Variants in CADM1 observed in about 807,000 individuals in gnomAD.
CADM1 encodes cell adhesion molecule 1, also known as TSLC-1.
Under a neutral mutation model 53.1 loss-of-function variants are expected in CADM1, and 15 were observed. That is an observed-to-expected ratio of 0.28 (90% CI 0.19 to 0.44). CADM1 has a LOEUF of 0.44. CADM1 is among the 20% of genes least tolerant of loss of function. The pLI is 1.00. For missense variants in CADM1, 434 were observed against 611.3 expected, an observed-to-expected ratio of 0.71 and a Z score of 3.06; for synonymous variants, 281 against 243.0, an observed-to-expected ratio of 1.16 and a Z score of -1.45.
intron 1 of CADM1, among the ~76,000 whole-genome samples, chr11:115,495,517 G>A (rs894601583): frequency 2.6e-5 from 4 of 152,156 alleles, no homozygotes; most frequent in South Asian, 4.1e-4. Context: ...AGATCCTTAC[G>A]ATAACAAATT....
intron 1 of CADM1, among the ~76,000 whole-genome samples, chr11:115,499,832 A>T (rs1465400720): frequency 6.6e-6 from 1 of 152,260 alleles, no homozygotes; most frequent in Non-Finnish European, 1.5e-5. Context: ...AATATTTTTA[A>T]AAACAGCTTT....
At chr11:115,289,883 C>A (rs556495402) in intron 1 of CADM1, among the ~76,000 whole-genome samples, 1 of 152,240 alleles carries the variant, frequency 6.6e-6, no homozygotes, top group Non-Finnish European at 1.5e-5. Context: ...GCGTGAACCA[C>A]CGCGCCCGGC....
intron 1 of CADM1, among the ~76,000 whole-genome samples, chr11:115,281,273 G>T (rs1195435589): frequency 6.6e-6 from 1 of 152,180 alleles, no homozygotes; most frequent in African/African-American, 2.4e-5. Flanking sequence ...AGGCTCTTTT[G>T]TAGCACAGGG....
intron 1 of CADM1, among the ~76,000 whole-genome samples, chr11:115,370,938 T>G (rs1377747578): frequency 6.6e-6 from 1 of 152,122 alleles, no homozygotes; most frequent in Admixed American, 6.5e-5. Flanking sequence ...CAAAATGAAG[T>G]TAACAGGGAC....
Position 115,214,739 on chromosome 11 carries a change from G to A in CADM1, c.863C>T (p.Pro288Leu). 1 of 1,614,002 alleles carries A rather than the reference G, an allele frequency of 6.2e-7. No individual in the cohort carries two copies. Among genetic ancestry groups the A allele is most frequent in the Non-Finnish European group, 8.5e-7 (1 of 1,179,944 alleles). ...GGGCCCAGACAGTACGGCGTGTTGA[G>A]GCATTTCATCATCGACTCTCACCCA... is the stretch of plus-strand genomic sequence containing the variant. Reference protein sequence around the residue: ...VTWVRVDDEMPQHAVLSGPNL... With the variant: ...VTWVRVDDEMLQHAVLSGPNL... Residue 288 changes from proline (P) to leucine (L), a missense_variant, in exon 7 of 12, where the codon CCT becomes CTT. This residue lies in a region of CADM1 where 311 missense variants were observed against 435.1 expected (regional missense o/e 0.71). Coordinates refer to ENST00000331581, the MANE Select transcript of CADM1 (RefSeq NM_001301043.2).
chr11:115,434,353 C>T (rs1198990541), intron 1 of CADM1, among the ~76,000 whole-genome samples: 2 of 152,160 alleles, frequency 1.3e-5, no homozygotes, highest in Non-Finnish European at 2.9e-5. Context: ...CCTTTTGCTA[C>T]AGACAAAACA....
intron 1 of CADM1, 33 bp downstream of exon 1, chr11:115,504,238 T>C: frequency 6.4e-7 from 1 of 1,563,610 alleles, no homozygotes; most frequent in African/African-American, 1.4e-5. Context: ...CCTTCGGAGA[T>C]TTAGGGGCCA....
chr11:115,248,906 C>T (rs1942499959), intron 1 of CADM1, among the ~76,000 whole-genome samples: 1 of 152,102 alleles, frequency 6.6e-6, no homozygotes, highest in Admixed American at 6.6e-5. Context: ...TGCTTAGAGG[C>T]CCTTGGGAGA....
chr11:115,460,948 C>A (rs1208512757), intron 1 of CADM1, among the ~76,000 whole-genome samples: 1 of 152,076 alleles, frequency 6.6e-6, no homozygotes, highest in Admixed American at 6.5e-5. Context: ...ATTTGCATGG[C>A]TAAATAGAAA....
At chr11:115,289,776 T>C (rs1943837601) in intron 1 of CADM1, among the ~76,000 whole-genome samples, 2 of 151,938 alleles carry the variant, frequency 1.3e-5, no homozygotes. Context: ...TTTGTATTTT[T>C]AGTAGAGAGG....
chr11:115,441,509 C>G (rs540970561), intron 1 of CADM1, among the ~76,000 whole-genome samples: 2 of 152,250 alleles, frequency 1.3e-5, no homozygotes, highest in South Asian at 2.1e-4. Flanking sequence ...TGCTTGGAAA[C>G]AGTAGGTGGT....
chr11:115,195,894 T>C (rs1442203252), intron 9 of CADM1, among the ~76,000 whole-genome samples: 1 of 152,240 alleles, frequency 6.6e-6, no homozygotes, highest in East Asian at 1.9e-4. Context: ...TACGAGGATT[T>C]TGGACAAGGT....
In CADM1 at chr11:115,214,740, G is replaced by A. The variant is rs1941105114; in HGVS notation, c.862C>T (p.Pro288Ser). The A allele has an allele frequency of 1.2e-6, 2 of 1,613,856 alleles. No homozygotes were observed. Among genetic ancestry groups the A allele is most frequent in the South Asian group, 2.2e-5 (2 of 91,078 alleles). ...VTWVRVDDEM[P>S]QHAVLSGPNL... ...GGCCCAGACAGTACGGCGTGTTGAGGCATTTCATCATCGACTCTCACCCAA... is the reference window on the plus strand; with the variant it reads ...GGCCCAGACAGTACGGCGTGTTGAGACATTTCATCATCGACTCTCACCCAA... The change falls in exon 7 of 12, where the codon CCT becomes TCT. Residue 288 changes from proline (P) to serine (S), a missense_variant. By Grantham distance (74) the Pro-to-Ser change is moderately conservative. Transcript: ENST00000331581.
intron 1 of CADM1, among the ~76,000 whole-genome samples, chr11:115,318,497 G>A (rs1248386695): frequency 6.6e-6 from 1 of 152,200 alleles, no homozygotes; most frequent in Non-Finnish European, 1.5e-5. Context: ...AGTGAAGTTA[G>A]AGTACAAGAA....
chr11:115,285,656 C>T (rs571565602), intron 1 of CADM1, among the ~76,000 whole-genome samples: 4 of 152,232 alleles, frequency 2.6e-5, no homozygotes, highest in African/African-American at 9.6e-5. Flanking sequence ...AATCTGAAAA[C>T]AAATACAAAG....
At chr11:115,450,887 C>T (rs1413102406) in intron 1 of CADM1, among the ~76,000 whole-genome samples, 1 of 152,156 alleles carries the variant, frequency 6.6e-6, no homozygotes, top group African/African-American at 2.4e-5. Context: ...GATCTTTCCC[C>T]CACAACCCCA....
chr11:115,326,912 A>C (rs1003084914), intron 1 of CADM1, among the ~76,000 whole-genome samples: 1 of 152,184 alleles, frequency 6.6e-6, no homozygotes, highest in Non-Finnish European at 1.5e-5. Context: ...GGACTGTATA[A>C]AATTAGAATC....
Position 115,175,735 on chromosome 11 carries a change from T to G in CADM1, c.*739A>C. 1 of 988,706 alleles carries G rather than the reference T, an allele frequency of 1.0e-6. No homozygotes were observed. The highest frequency in any genetic ancestry group is 1.2e-6 in the Non-Finnish European group (1 of 831,970). The allele number at this position is 988,706 out of a possible 1,614,324, so 61.2% of individuals were successfully genotyped here. A position where few individuals can be genotyped will look rare whatever the true frequency, so the allele number is the denominator to read the frequency against. On this transcript the variant is annotated 3_prime_UTR_variant, in exon 12 of 12. Coordinates refer to ENST00000331581, the MANE Select transcript of CADM1 (RefSeq NM_001301043.2). ...AAATTCAATCTCATTGTGACACACCTCACTTGCAGATAACCCTGTACAGTA... is the reference window on the plus strand; with the variant it reads ...AAATTCAATCTCATTGTGACACACCGCACTTGCAGATAACCCTGTACAGTA...
intron 1 of CADM1, among the ~76,000 whole-genome samples, chr11:115,415,082 T>C (rs1042650175): frequency 2.0e-5 from 3 of 152,174 alleles, no homozygotes; most frequent in Non-Finnish European, 2.9e-5. Flanking sequence ...AGTTTTGAGC[T>C]TGAAAAATTG....
Sources: gnomAD v4.1 joint callset for allele counts (sites outside exome capture counted in the v4.1 genomes callset) on GRCh38, gnomAD v4.1.1 for gene constraint, gnomAD v4.1.1 regional missense constraint, MANE v1.5 for transcripts, NCBI Gene and HGNC (gene_info 2026-07-23, HGNC 2026-07-21) for gene names.